Variants in MEIKIN observed in about 807,000 individuals in gnomAD.
MEIKIN encodes the protein meiotic kinetochore factor, also known as meiosis-specific kinetochore protein.
chr5:131,857,759 T>A (rs916874275), intron 9 of MEIKIN, among the ~76,000 whole-genome samples: 3 of 152,186 alleles, frequency 2.0e-5, no homozygotes, highest in African/African-American at 7.2e-5. Context: ...TCCACTGCTT[T>A]GCTGGCCCGC....
chr5:131,909,743 A>G (rs1751302544), intron 8 of MEIKIN, among the ~76,000 whole-genome samples: 1 of 152,172 alleles, frequency 6.6e-6, no homozygotes, highest in African/African-American at 2.4e-5. Context: ...TGATAATCCA[A>G]TTAAAAATGA....
At chr5:131,875,751 C>T (rs977923900) in intron 9 of MEIKIN, among the ~76,000 whole-genome samples, 2 of 152,042 alleles carry the variant, frequency 1.3e-5, no homozygotes, top group Non-Finnish European at 2.9e-5. Flanking sequence ...ACTATACTAC[C>T]AGGCTACAGT....
At chr5:131,914,394 AAAAAG>A (rs1473189605) in intron 7 of MEIKIN, among the ~76,000 whole-genome samples, 6 of 150,894 alleles carry the variant, frequency 4.0e-5, no homozygotes, top group African/African-American at 1.2e-4. Flanking sequence ...AAAAAAAAAA[AAAAAG>A]AAAGAAAGAA....
At chr5:131,845,402 G>T (rs1277635361) in intron 11 of MEIKIN, among the ~76,000 whole-genome samples, 1 of 134,772 alleles carries the variant, frequency 7.4e-6, no homozygotes, top group African/African-American at 2.8e-5. Context: ...AGGCATAAAA[G>T]AAACAGAAAA....
intron 8 of MEIKIN, among the ~76,000 whole-genome samples, chr5:131,901,604 C>A (rs575190321): frequency 6.6e-6 from 1 of 152,158 alleles, no homozygotes; most frequent in East Asian, 1.9e-4. Context: ...AGTGCTGTGA[C>A]CAGCAGTCTG....
intron 9 of MEIKIN, among the ~76,000 whole-genome samples, chr5:131,874,468 G>A (rs1293052297): frequency 5.9e-5 from 9 of 152,206 alleles, no homozygotes; most frequent in African/African-American, 1.9e-4. Context: ...TCTCTGAATA[G>A]ACGAATAACA....
At chr5:131,830,139 C>T (rs1483426655) in intron 11 of MEIKIN, among the ~76,000 whole-genome samples, 1 of 152,104 alleles carries the variant, frequency 6.6e-6, no homozygotes, top group Non-Finnish European at 1.5e-5. Context: ...CCTGTAATAC[C>T]AGCACTTTGA....
At chr5:131,893,747 G>GT (rs1561747453) in intron 8 of MEIKIN, among the ~76,000 whole-genome samples, 1 of 152,080 alleles carries the variant, frequency 6.6e-6, no homozygotes, top group African/African-American at 2.4e-5. Flanking sequence ...CCATAAATTT[G>GT]TTTAAGTTCC....
intron 8 of MEIKIN, among the ~76,000 whole-genome samples, chr5:131,902,530 C>T (rs1751177050): frequency 6.6e-6 from 1 of 152,120 alleles, no homozygotes; most frequent in South Asian, 2.1e-4. Context: ...GCTTCCTGTA[C>T]AGGTACAGCT....
chr5:131,885,256 C>G (rs1412770040), intron 8 of MEIKIN, among the ~76,000 whole-genome samples: 4 of 151,722 alleles, frequency 2.6e-5, no homozygotes, highest in Non-Finnish European at 4.4e-5. Flanking sequence ...TTAGTTCTGA[C>G]CAAGCACAGT....
At chr5:131,874,683 A>T (rs1750578808) in intron 9 of MEIKIN, among the ~76,000 whole-genome samples, 1 of 150,720 alleles carries the variant, frequency 6.6e-6, no homozygotes, top group South Asian at 2.1e-4. Flanking sequence ...TCTGGCAGAG[A>T]CACAACAAAA....
chr5:131,905,467 G>GA (rs944471064), intron 8 of MEIKIN, among the ~76,000 whole-genome samples: 2 of 151,298 alleles, frequency 1.3e-5, no homozygotes, highest in South Asian at 2.1e-4. Context: ...AAACTAAGAT[G>GA]AAAAAAAACA....
At chr5:131,871,888 G>A (rs1750509322) in intron 9 of MEIKIN, among the ~76,000 whole-genome samples, 1 of 152,076 alleles carries the variant, frequency 6.6e-6, no homozygotes, top group Admixed American at 6.5e-5. Flanking sequence ...AGGCAAACAG[G>A]GTCTGGAGTG....
chr5:131,872,372 G>A (rs1429468957), intron 9 of MEIKIN, among the ~76,000 whole-genome samples: 1 of 152,284 alleles, frequency 6.6e-6, no homozygotes, highest in East Asian at 1.9e-4. Flanking sequence ...AGTAGCTGAT[G>A]CAATCAACTG....
chr5:131,919,491 T>C (rs1014089213), intron 6 of MEIKIN, among the ~76,000 whole-genome samples: 3 of 152,198 alleles, frequency 2.0e-5, no homozygotes, highest in Admixed American at 6.5e-5. Context: ...ACCCAATTTA[T>C]AGGTATTTTT....
chr5:131,873,250 AC>A (rs1364792477), intron 9 of MEIKIN, among the ~76,000 whole-genome samples: 1 of 152,190 alleles, frequency 6.6e-6, no homozygotes, highest in Non-Finnish European at 1.5e-5. Flanking sequence ...TATTCAGGAA[AC>A]CCATCTCACA....
At chr5:131,867,851 G>C (rs1750414036) in intron 9 of MEIKIN, among the ~76,000 whole-genome samples, 1 of 152,152 alleles carries the variant, frequency 6.6e-6, no homozygotes, top group Non-Finnish European at 1.5e-5. Context: ...TGCATACTTT[G>C]TGTGGATACA....
At chr5:131,910,646 G>A (rs1331698890) in intron 8 of MEIKIN, among the ~76,000 whole-genome samples, 4 of 151,962 alleles carry the variant, frequency 2.6e-5, no homozygotes, top group Admixed American at 2.6e-4. Context: ...TACTTACCCT[G>A]ATGTGATTAT....
intron 4 of MEIKIN, among the ~76,000 whole-genome samples, chr5:131,934,473 A>G (rs1442713274): frequency 2.6e-5 from 4 of 152,192 alleles, no homozygotes; most frequent in African/African-American, 9.6e-5. Flanking sequence ...GAGAAAGGAT[A>G]GTCTTTTAAA....
Sources: allele counts gnomAD v4.1 joint callset (sites outside exome capture counted in the v4.1 genomes callset), GRCh38; gene constraint gnomAD v4.1.1; transcripts MANE v1.5; gene names NCBI Gene and HGNC (gene_info 2026-07-23, HGNC 2026-07-21).